THSD7A: variants seen among roughly 807,000 people sequenced by gnomAD.
THSD7A encodes the protein thrombospondin type-1 domain-containing protein 7A.
THSD7A carries 96 observed loss-of-function variants against 231.3 expected under a neutral mutation model. That is an observed-to-expected ratio of 0.41 (90% CI 0.35 to 0.49). The LOEUF is 0.49. Among genes scored for constraint, THSD7A ranks in the 20% least tolerant of loss-of-function variants. The pLI is 0.05. For synonymous variants in THSD7A, 940 were observed against 743.3 expected, an observed-to-expected ratio of 1.26 and a Z score of -4.30; for missense variants, 2,290 against 2,070.2, an observed-to-expected ratio of 1.11 and a Z score of -2.06.
At chr7:11,816,952 T>C (rs1784720513) in intron 1 of THSD7A, among the ~76,000 whole-genome samples, 1 of 152,212 alleles carries the variant, frequency 6.6e-6, no homozygotes, top group Non-Finnish European at 1.5e-5. Flanking sequence ...ATGCTTATAA[T>C]GGTGCATCAA....
intron 16 of THSD7A, 107 bp downstream of exon 16, chr7:11,424,589 C>T: frequency 2.7e-6 from 4 of 1,490,292 alleles, no homozygotes; most frequent in Non-Finnish European, 3.6e-6. Context: ...AAACTGCAGA[C>T]AATTTTATCC....
At chr7:11,533,339 A>G (rs1199193249) in intron 6 of THSD7A, among the ~76,000 whole-genome samples, 3 of 152,170 alleles carry the variant, frequency 2.0e-5, no homozygotes, top group African/African-American at 7.2e-5. Context: ...TCAGAATGAA[A>G]GAATCAAGAA....
At chr7:11,773,461 C>T (rs1783302041) in intron 1 of THSD7A, among the ~76,000 whole-genome samples, 1 of 151,900 alleles carries the variant, frequency 6.6e-6, no homozygotes, top group Non-Finnish European at 1.5e-5. Flanking sequence ...ACCCGGGAGG[C>T]AGAGATTGGG....
chr7:11,531,040 T>C (rs1268899288), intron 6 of THSD7A, among the ~76,000 whole-genome samples: 2 of 152,086 alleles, frequency 1.3e-5, no homozygotes, highest in Non-Finnish European at 2.9e-5. Flanking sequence ...TTCAAGCAGC[T>C]GAATGATGTG....
At chr7:11,649,607 T>G (rs961296956) in intron 1 of THSD7A, among the ~76,000 whole-genome samples, 1 of 151,964 alleles carries the variant, frequency 6.6e-6, no homozygotes, top group Non-Finnish European at 1.5e-5. Context: ...AGAGGCTGCT[T>G]GAAGCAGACT....
chr7:11,464,859 T>C (rs935261652), intron 9 of THSD7A, among the ~76,000 whole-genome samples: 2 of 152,182 alleles, frequency 1.3e-5, no homozygotes, highest in Admixed American at 6.6e-5. Context: ...CTTCTCATAT[T>C]GCAGTTAAGA....
At chr7:11,576,089 T>C (rs1562736003) in intron 4 of THSD7A, among the ~76,000 whole-genome samples, 1 of 152,212 alleles carries the variant, frequency 6.6e-6, no homozygotes, top group Non-Finnish European at 1.5e-5. Context: ...AGTTGTGGCC[T>C]ACTTCAAGAA....
At chr7:11,497,772 G>C (rs1787162684) in intron 6 of THSD7A, among the ~76,000 whole-genome samples, 1 of 152,088 alleles carries the variant, frequency 6.6e-6, no homozygotes, top group Non-Finnish European at 1.5e-5. Context: ...CCAGGTACTT[G>C]CATTGGGATT....
intron 1 of THSD7A, among the ~76,000 whole-genome samples, chr7:11,695,259 G>A (rs1369657022): frequency 6.6e-6 from 1 of 151,466 alleles, no homozygotes; most frequent in Non-Finnish European, 1.5e-5. Context: ...ACCAAGAATA[G>A]TTAGGATATC....
rs374410020 is a variant in THSD7A, at chr7:11,407,438, G to A, written c.3799-15C>T. ...TCCAAGCCAAGCTGGAAGAACAGAG[G>A]TAGATCAGGATGTATATTGTAAATT... On this transcript the variant is annotated splice_polypyrimidine_tract_variant and intron_variant, in intron 19 of 27. Transcript: ENST00000423059. The A allele has an allele frequency of 2.1e-5, 33 of 1,593,434 alleles. No individual in the cohort carries two copies. Among genetic ancestry groups the A allele is most frequent in the Non-Finnish European group, 2.6e-5 (30 of 1,164,444 alleles).
intron 4 of THSD7A, among the ~76,000 whole-genome samples, chr7:11,581,745 A>C (rs1300500493): frequency 6.6e-6 from 1 of 152,100 alleles, no homozygotes; most frequent in East Asian, 1.9e-4. Context: ...AATGCCATTT[A>C]ATTGATCCAA....
chr7:11,744,690 G>T (rs1300059125), intron 1 of THSD7A, among the ~76,000 whole-genome samples: 1 of 149,124 alleles, frequency 6.7e-6, no homozygotes, highest in Non-Finnish European at 1.5e-5. Context: ...AGAACATGCG[G>T]TGTTTGGTTT....
intron 6 of THSD7A, among the ~76,000 whole-genome samples, chr7:11,495,437 A>C (rs997247274): frequency 6.6e-6 from 1 of 152,146 alleles, no homozygotes; most frequent in Non-Finnish European, 1.5e-5. Context: ...TGCTTTTGCC[A>C]AAGATCAGCT....
intron 13 of THSD7A, among the ~76,000 whole-genome samples, chr7:11,432,055 T>C (rs887675686): frequency 1.3e-5 from 2 of 152,154 alleles, no homozygotes; most frequent in Non-Finnish European, 2.9e-5. Context: ...ATTGAAAGTG[T>C]TAAAATACTA....
At chr7:11,398,253 G>A (rs955737961) in intron 23 of THSD7A, among the ~76,000 whole-genome samples, 40 of 152,088 alleles carry the variant, frequency 2.6e-4, no homozygotes, top group African/African-American at 8.9e-4. Flanking sequence ...GGATGAACCT[G>A]GAAACTATCA....
intron 4 of THSD7A, among the ~76,000 whole-genome samples, chr7:11,588,413 G>C (rs1780007720): frequency 6.6e-6 from 1 of 151,992 alleles, no homozygotes; most frequent in Admixed American, 6.6e-5. Context: ...TGATATGAAA[G>C]GACACACACT....
intron 11 of THSD7A, among the ~76,000 whole-genome samples, chr7:11,448,962 C>G (rs1371345480): frequency 6.6e-6 from 1 of 152,032 alleles, no homozygotes; most frequent in African/African-American, 2.4e-5. Context: ...GGTTAGATGA[C>G]AGAAACAAAT....
At chr7:11,412,502 A>G (rs1486859927) in intron 18 of THSD7A, among the ~76,000 whole-genome samples, 154 bp downstream of exon 18, 1 of 152,118 alleles carries the variant, frequency 6.6e-6, no homozygotes, top group Admixed American at 6.5e-5. Context: ...CCAGATAAGT[A>G]TTTCTGTCAT....
intron 2 of THSD7A, among the ~76,000 whole-genome samples, chr7:11,597,373 C>A (rs550506565): frequency 2.0e-5 from 3 of 152,126 alleles, no homozygotes; most frequent in African/African-American, 7.2e-5. Flanking sequence ...GCCCATATAC[C>A]GAGTGACCTG....
Sources: allele counts gnomAD v4.1 joint callset (sites outside exome capture counted in the v4.1 genomes callset), GRCh38; gene constraint gnomAD v4.1.1; transcripts MANE v1.5; gene names NCBI Gene and HGNC (gene_info 2026-07-23, HGNC 2026-07-21).